Variants in CPNE8 observed in about 807,000 individuals in gnomAD.
CPNE8 encodes the protein copine-8.
CPNE8 carries 45 observed loss-of-function variants against 81.5 expected under a neutral mutation model. The ratio of observed to expected loss-of-function variants is 0.55; its 90% confidence interval spans 0.44 to 0.71. The LOEUF (loss-of-function observed/expected upper bound fraction) is 0.71, where lower values mean the gene tolerates loss of function less well. CPNE8 is among the 30% of genes least tolerant of loss of function. CPNE8 has a pLI of 0.00. For synonymous variants in CPNE8, 252 were observed against 226.3 expected, an observed-to-expected ratio of 1.11 and a Z score of -1.02; for missense variants, 594 against 672.1, an observed-to-expected ratio of 0.88 and a Z score of 1.28.
intron 1 of CPNE8, among the ~76,000 whole-genome samples, chr12:38,902,290 GGAAGGA>G (rs1944478945): frequency 8.0e-6 from 1 of 125,662 alleles, no homozygotes; most frequent in Non-Finnish European, 1.6e-5. Context: ...AAAGAAGGAA[GGAAGGA>G]AAGGAAGGAA....
At chr12:38,892,487 G>A (rs1215534109) in intron 1 of CPNE8, among the ~76,000 whole-genome samples, 3 of 152,330 alleles carry the variant, frequency 2.0e-5, no homozygotes, top group Middle Eastern at 3.4e-3. Context: ...GGAGGTGACC[G>A]ACACTTTGGA....
chr12:38,809,954 CA>C (rs1253006318), intron 6 of CPNE8, among the ~76,000 whole-genome samples: 4 of 152,078 alleles, frequency 2.6e-5, no homozygotes, highest in Non-Finnish European at 5.9e-5. Context: ...GTCATGAGTC[CA>C]AAATAATTTT....
chr12:38,670,140 G>A (rs1662167094), intron 19 of CPNE8, among the ~76,000 whole-genome samples: 1 of 152,088 alleles, frequency 6.6e-6, no homozygotes, highest in Non-Finnish European at 1.5e-5. Flanking sequence ...TATTATGGGT[G>A]AATATATATG....
intron 5 of CPNE8, among the ~76,000 whole-genome samples, chr12:38,830,972 A>T (rs142916921): frequency 1.1e-3 from 170 of 152,318 alleles, no homozygotes; most frequent in African/African-American, 4.0e-3. Context: ...CACAAAAGTA[A>T]AAACTATGTT....
intron 6 of CPNE8, among the ~76,000 whole-genome samples, chr12:38,794,233 A>G (rs1942399939): frequency 6.6e-6 from 1 of 152,192 alleles, no homozygotes; most frequent in Non-Finnish European, 1.5e-5. Context: ...TTTGTGTATC[A>G]AAGGACATGC....
chr12:38,686,591 C>A (rs1458019948), intron 15 of CPNE8, among the ~76,000 whole-genome samples: 3 of 152,200 alleles, frequency 2.0e-5, no homozygotes, highest in African/African-American at 7.2e-5. Context: ...TATTATCTCA[C>A]ACATTTTTGA....
chr12:38,888,020 G>A (rs376881752), intron 1 of CPNE8, among the ~76,000 whole-genome samples: 1 of 152,188 alleles, frequency 6.6e-6, no homozygotes, highest in Non-Finnish European at 1.5e-5. Context: ...CCCAGAGTCA[G>A]TGCAATGGAT....
intron 14 of CPNE8, among the ~76,000 whole-genome samples, chr12:38,694,052 A>G (rs1939740042): frequency 6.6e-6 from 1 of 152,148 alleles, no homozygotes; most frequent in African/African-American, 2.4e-5. Context: ...ATGCCAAAGC[A>G]TACGCAGAAG....
intron 19 of CPNE8, among the ~76,000 whole-genome samples, chr12:38,659,055 A>G (rs1475228392): frequency 6.6e-6 from 1 of 152,172 alleles, no homozygotes; most frequent in African/African-American, 2.4e-5. Context: ...AACAATATTA[A>G]CTTTAAATGT....
upstream of CPNE8, chr12:38,905,794 G>T: frequency 1.0e-6 from 1 of 985,350 alleles, no homozygotes; most frequent in Non-Finnish European, 1.2e-6. Context: ...GCCCCCTTCC[G>T]GCAGGCAGCA....
chr12:38,797,544 T>C (rs1275107992), intron 6 of CPNE8, among the ~76,000 whole-genome samples: 1 of 152,032 alleles, frequency 6.6e-6, no homozygotes, highest in East Asian at 1.9e-4. Flanking sequence ...CAAAACCCCA[T>C]CTGTACATCA....
intron 19 of CPNE8, among the ~76,000 whole-genome samples, chr12:38,662,208 A>G (rs1938974357): frequency 1.3e-5 from 2 of 152,150 alleles, no homozygotes; most frequent in Admixed American, 1.3e-4. Context: ...AAAGCAAGAG[A>G]TTAAGTTATT....
chr12:38,877,160 T>C (rs1227361690), intron 1 of CPNE8, among the ~76,000 whole-genome samples: 1 of 152,178 alleles, frequency 6.6e-6, no homozygotes, highest in Admixed American at 6.5e-5. Flanking sequence ...TTATTTTCTA[T>C]GAGTATTGAA....
chr12:38,861,053 T>C (rs946566705), intron 3 of CPNE8, among the ~76,000 whole-genome samples: 2 of 152,094 alleles, frequency 1.3e-5, no homozygotes, highest in African/African-American at 4.8e-5. Context: ...TTATTCAGCT[T>C]TACAAAATAA....
intron 6 of CPNE8, among the ~76,000 whole-genome samples, chr12:38,802,157 C>A (rs1942687547): frequency 3.5e-5 from 1 of 28,960 alleles, no homozygotes; most frequent in Non-Finnish European, 1.6e-4. Context: ...ACCAAGCAGA[C>A]CTAATAGACA....
chr12:38,749,849 C>T lies in CPNE8; in HGVS notation c.722+10998G>A, dbSNP rs558616565. On this transcript the variant is annotated intron_variant, in intron 10 of 19. Transcript: ENST00000331366. Reference sequence around the variant, plus strand: ...TGACAATGTAATAGAAATGAAAATCCTATTTTCTGAGGAGAAATTCAAGTG... The same window carrying T: ...TGACAATGTAATAGAAATGAAAATCTTATTTTCTGAGGAGAAATTCAAGTG... Among the ~76,000 whole-genome samples, 6 of 152,240 alleles carry T rather than the reference C, an allele frequency of 3.9e-5. No homozygotes were observed. The South Asian group carries it at 1.2e-3, about 32-fold the overall frequency.
At chr12:38,806,487 A>G (rs1294879445) in intron 6 of CPNE8, among the ~76,000 whole-genome samples, 3 of 150,226 alleles carry the variant, frequency 2.0e-5, no homozygotes, top group Non-Finnish European at 4.4e-5. Context: ...TATAAACACA[A>G]CCAAAGACAA....
intron 13 of CPNE8, among the ~76,000 whole-genome samples, chr12:38,706,810 C>T (rs890671515): frequency 2.0e-5 from 3 of 152,156 alleles, no homozygotes; most frequent in Admixed American, 6.6e-5. Flanking sequence ...CAAATGGATA[C>T]GTTTGTTTAT....
At chr12:38,708,198 T>G (rs1411074577) in intron 13 of CPNE8, among the ~76,000 whole-genome samples, 1 of 152,142 alleles carries the variant, frequency 6.6e-6, no homozygotes, top group Non-Finnish European at 1.5e-5. Context: ...TTAAAGAAAG[T>G]TCCTAGCAAT....
Sources: allele counts gnomAD v4.1 joint callset (sites outside exome capture counted in the v4.1 genomes callset), GRCh38; gene constraint gnomAD v4.1.1; transcripts MANE v1.5; gene names NCBI Gene and HGNC (gene_info 2026-07-23, HGNC 2026-07-21).